Variants in CFAP20DC observed in about 807,000 individuals in gnomAD.
The protein encoded by CFAP20DC is CFAP20 domain containing.
Under a neutral mutation model 101.7 loss-of-function variants are expected in CFAP20DC, and 84 were observed. The observed-to-expected ratio is 0.83, with a 90% CI of 0.69 to 0.99. CFAP20DC has a LOEUF of 0.99. Ranked by LOEUF, CFAP20DC falls within the 50% of genes least tolerant of loss-of-function variation. The pLI is 0.00. For synonymous variants in CFAP20DC, 359 were observed against 351.2 expected, an observed-to-expected ratio of 1.02 and a Z score of -0.25; for missense variants, 1,007 against 970.3, an observed-to-expected ratio of 1.04 and a Z score of -0.50.
At chr3:58,848,544 C>A (rs963873271) in intron 13 of CFAP20DC, among the ~76,000 whole-genome samples, 2 of 151,982 alleles carry the variant, frequency 1.3e-5, no homozygotes, top group Non-Finnish European at 2.9e-5. Flanking sequence ...CCAAACTAGC[C>A]GAGGGATTTA....
At chr3:58,819,782 A>C (rs1375817136) in intron 14 of CFAP20DC, among the ~76,000 whole-genome samples, 1 of 148,146 alleles carries the variant, frequency 6.8e-6, no homozygotes, top group Non-Finnish European at 1.5e-5. Context: ...ATCCTCCCTA[A>C]CTCATTTTAT....
chr3:58,933,726 AG>A (rs2087081263), intron 5 of CFAP20DC, among the ~76,000 whole-genome samples: 2 of 151,868 alleles, frequency 1.3e-5, no homozygotes, highest in Non-Finnish European at 2.9e-5. Context: ...GAAACCAATG[AG>A]AACAAAGACA....
chr3:59,036,944 A>T (rs2094114874), intron 4 of CFAP20DC, among the ~76,000 whole-genome samples: 1 of 152,126 alleles, frequency 6.6e-6, no homozygotes, highest in Non-Finnish European at 1.5e-5. Flanking sequence ...ATATAGACCA[A>T]TGGAACAGAA....
intron 13 of CFAP20DC, 24 bp downstream of exon 13, chr3:58,849,008 G>C (rs910785471): frequency 3.9e-6 from 6 of 1,529,464 alleles, no homozygotes; most frequent in African/African-American, 1.4e-5. Context: ...GCCGGCATCT[G>C]TAAACCACAC....
rs2073189455 is a variant in CFAP20DC, at chr3:58,795,671, A to G, written c.2237+10724T>C. On this transcript the variant is annotated intron_variant, in intron 15 of 16. Coordinates refer to ENST00000482387, the MANE Select transcript of CFAP20DC (RefSeq NM_001394063.1). The surrounding 1 kb of genome is among the most constrained non-coding windows in gnomAD (Gnocchi z 4.2). The stretch of plus-strand genomic sequence containing the variant: ...AGCAAAAGTAATAGCGAAAGCCAAG[A>G]TTCTTCAGGTATCTGTCTTTTCAGA... 6.6e-6 allele frequency among the ~76,000 whole-genome samples: 1 copy of G among 152,186 alleles called. No homozygotes were observed. The highest frequency in any genetic ancestry group is 6.5e-5 in the Admixed American group (1 of 15,278).
chr3:58,841,069 CA>C (rs1183793570), intron 13 of CFAP20DC, among the ~76,000 whole-genome samples: 1 of 152,192 alleles, frequency 6.6e-6, no homozygotes, highest in Non-Finnish European at 1.5e-5. Flanking sequence ...TGACCTAGAG[CA>C]GCATGAGGCC....
intron 4 of CFAP20DC, among the ~76,000 whole-genome samples, chr3:58,998,351 T>G (rs1156688146): frequency 6.6e-6 from 1 of 152,210 alleles, no homozygotes; most frequent in African/African-American, 2.4e-5. Context: ...CTATCCTCTG[T>G]AAGCCTAAGT....
Position 58,863,456 on chromosome 3 carries a change from T to G in CFAP20DC, c.1593+102A>C. On this transcript the variant is annotated intron_variant, in intron 12 of 16. Transcript: ENST00000482387. This position sits in a 1 kb window ranked among gnomAD's most constrained non-coding sequence, Gnocchi z 5.9. ...TGGCAATCTGTTGCATTTTTATAAA[T>G]AGCAGTTGATTTTCCCTCTTTCATT... The G allele has an allele frequency of 2.0e-6, 3 of 1,511,540 alleles. No individual in the cohort carries two copies. Among genetic ancestry groups the G allele is most frequent in the African/African-American group, 2.8e-5 (2 of 72,274 alleles). The allele number at this position is 1,511,540 out of a possible 1,614,324, so 93.6% of individuals were successfully genotyped here.
chr3:58,888,123 T>C (rs1027036690), intron 6 of CFAP20DC, among the ~76,000 whole-genome samples: 1 of 152,234 alleles, frequency 6.6e-6, no homozygotes, highest in Non-Finnish European at 1.5e-5. Flanking sequence ...ATTTTTAGCA[T>C]ATACAGCTTA....
intron 7 of CFAP20DC, among the ~76,000 whole-genome samples, chr3:58,878,278 T>G (rs1296361895): frequency 6.6e-6 from 1 of 152,208 alleles, no homozygotes; most frequent in African/African-American, 2.4e-5. Flanking sequence ...TTTAAGACAC[T>G]TTTTGAAAGG....
chr3:58,813,850 A>G (rs1035061489), intron 14 of CFAP20DC, among the ~76,000 whole-genome samples: 7 of 151,990 alleles, frequency 4.6e-5, no homozygotes, highest in African/African-American at 1.7e-4. Flanking sequence ...AACAGCTGGG[A>G]GAACAGTGGA....
intron 12 of CFAP20DC, chr3:58,862,565 C>T: frequency 1.0e-6 from 1 of 985,308 alleles, no homozygotes; most frequent in Non-Finnish European, 1.2e-6. Context: ...TTGAAAAAAC[C>T]CAGAATTACT....
chr3:58,974,837 T>G (rs565811700), intron 4 of CFAP20DC, among the ~76,000 whole-genome samples: 1 of 152,114 alleles, frequency 6.6e-6, no homozygotes, highest in South Asian at 2.1e-4. Flanking sequence ...GAATATGTTA[T>G]CCAGCCCGCC....
At chr3:58,990,285 T>C (rs551588617) in intron 4 of CFAP20DC, among the ~76,000 whole-genome samples, 1 of 152,206 alleles carries the variant, frequency 6.6e-6, no homozygotes, top group South Asian at 2.1e-4. Context: ...GCTATGAAGA[T>C]GTAAAATAGA....
chr3:58,717,605 C>A lies in CFAP20DC; in HGVS notation c.223G>T (p.Ala75Ser). The A allele has an allele frequency of 2.2e-6, 1 of 452,648 alleles. No individual in the cohort carries two copies. Among genetic ancestry groups the A allele is most frequent in the Non-Finnish European group, 4.4e-6 (1 of 226,014 alleles). 28.0% of individuals were successfully genotyped at this position (452,648 alleles called of 1,614,324 possible). Reference sequence around the variant, plus strand: ...TTTTGCCTTCACAGTTGCAAAATGGCTGTAGCACTTCCAGACATTTCTTCT... The same window carrying A: ...TTTTGCCTTCACAGTTGCAAAATGGATGTAGCACTTCCAGACATTTCTTCT... Residue 75 changes from alanine to serine, a missense_variant, in exon 4 of 4, where the codon GCC becomes TCC. Coordinates refer to the CFAP20DC transcript ENST00000486145. This position sits in a 1 kb window ranked among gnomAD's most constrained non-coding sequence, Gnocchi z 4.1.
rs1399480169 is a variant in CFAP20DC at position 58,819,094 on chromosome 3, G to A, written c.2175+12592C>T. Among the ~76,000 whole-genome samples, 72 of 148,736 alleles carry A rather than the reference G, an allele frequency of 4.8e-4. 1 individual carries two copies. The highest frequency in any genetic ancestry group is 2.4e-3 in the South Asian group (11 of 4,578). ...AATAAAGATGTTCTTTGAAACCAAC[G>A]AGAACAAAGACACAACATACCAGAA... is the stretch of plus-strand genomic sequence containing the variant. On this transcript the variant is annotated intron_variant, in intron 14 of 16. Coordinates refer to ENST00000482387, the MANE Select transcript of CFAP20DC (RefSeq NM_001394063.1).
In CFAP20DC at chr3:59,015,192, T is replaced by C. The variant is rs745690; in HGVS notation, c.278+24365A>G. On this transcript the variant is annotated intron_variant, in intron 4 of 16. Transcript: ENST00000482387. The surrounding 1 kb of genome is among the most constrained non-coding windows in gnomAD (Gnocchi z 5.4). ...CAGGTGCCTTGGGTGTCTAAAGATG[T>C]CTGTAGTTAGCAGCCAGGATGATAG... is the stretch of plus-strand genomic sequence containing the variant. Among the ~76,000 whole-genome samples the C allele has an allele frequency of 4.6e-5, 7 of 152,164 alleles. No individual in the cohort carries two copies. The East Asian group carries it at 7.8e-4, about 17-fold the overall frequency.
rs984904916 is a variant in CFAP20DC at position 58,862,701 on chromosome 3, T to C, written c.1593+857A>G. On this transcript the variant is annotated intron_variant, in intron 12 of 16. Transcript: ENST00000482387. ...TATAAAAATATTTTGTGGGCACATA[T>C]AAAAAGGTTTTCTAGTTATTTCTAT... 8 of 972,770 alleles carry C rather than the reference T, an allele frequency of 8.2e-6. No homozygotes were observed. The African/African-American group carries it at 1.4e-4, about 17-fold the overall frequency. The allele number at this position is 972,770 out of a possible 1,614,324, so 60.3% of individuals were successfully genotyped here.
chr3:58,902,231 T>G (rs150700949), intron 6 of CFAP20DC, among the ~76,000 whole-genome samples: 2,235 of 152,346 alleles, frequency 0.015, 28 homozygotes, highest in Middle Eastern at 0.037. Context: ...TTTTGGCTAA[T>G]GTGAATTGTG....
Sources: gnomAD v4.1 joint callset for allele counts (sites outside exome capture counted in the v4.1 genomes callset) on GRCh38, gnomAD v4.1.1 for gene constraint, Gnocchi (gnomAD v3.1) non-coding constraint, MANE v1.5 for transcripts, NCBI Gene and HGNC (gene_info 2026-07-23, HGNC 2026-07-21) for gene names.